The following CCDC60 variants were observed in gnomAD, a reference collection of about 807,000 sequenced individuals.
CCDC60 encodes coiled-coil domain-containing protein 60.
CCDC60 carries 54 observed loss-of-function variants against 63.5 expected under a neutral mutation model. That is an observed-to-expected ratio of 0.85 (90% CI 0.68 to 1.07). CCDC60 has a LOEUF of 1.07. Among genes scored for constraint, CCDC60 ranks in the 50% least tolerant of loss-of-function variants. The pLI is 0.00. For missense variants in CCDC60, 651 were observed against 684.3 expected, an observed-to-expected ratio of 0.95 and a Z score of 0.54; for synonymous variants, 206 against 238.8, an observed-to-expected ratio of 0.86 and a Z score of 1.27.
chr12:119,342,426 T>C (rs1592976231), intron 1 of CCDC60, among the ~76,000 whole-genome samples: 1 of 152,104 alleles, frequency 6.6e-6, no homozygotes, highest in African/African-American at 2.4e-5. Flanking sequence ...GAAGCGATGG[T>C]GATATTGAAG....
chr12:119,505,072 A>C lies in CCDC60; in HGVS notation c.652A>C (p.Lys218Gln), dbSNP rs750237980. 6 of 1,598,592 alleles carry C rather than the reference A, an allele frequency of 3.8e-6. No homozygotes were observed. In the South Asian group the frequency reaches 5.6e-5, roughly 15 times the overall value. ...CTCTTTCTTCTCTTTCCTTTAGACC[A>C]AGAAATTCAAAATTCCCACAATGCG... is the stretch of plus-strand genomic sequence containing the variant. ...WEHFITAPKT[K>Q]KFKIPTMRVT... The change falls in exon 7 of 14, where the codon AAG becomes CAG. Residue 218 changes from lysine to glutamine, a missense_variant. Transcript: ENST00000327554.
intron 1 of CCDC60, among the ~76,000 whole-genome samples, chr12:119,351,239 C>G (rs1481160967): frequency 1.3e-5 from 2 of 152,200 alleles, no homozygotes; most frequent in Non-Finnish European, 2.9e-5. Context: ...TTTGTATTCT[C>G]AAAGTGGGTA....
chr12:119,435,465 C>T (rs1264984043), intron 2 of CCDC60, among the ~76,000 whole-genome samples: 3 of 152,176 alleles, frequency 2.0e-5, no homozygotes, highest in African/African-American at 4.8e-5. Context: ...TTTGACTTAT[C>T]GATGACTGGT....
chr12:119,399,591 C>G (rs1456814112), intron 1 of CCDC60, among the ~76,000 whole-genome samples: 1 of 152,104 alleles, frequency 6.6e-6, no homozygotes, highest in Non-Finnish European at 1.5e-5. Flanking sequence ...AATTATACTT[C>G]AAAGGGAATC....
At chr12:119,385,257 C>A (rs1956048714) in intron 1 of CCDC60, among the ~76,000 whole-genome samples, 1 of 152,182 alleles carries the variant, frequency 6.6e-6, no homozygotes, top group Non-Finnish European at 1.5e-5. Context: ...CCTTGCTCTC[C>A]AGCCTCCAGT....
Position 119,528,705 on chromosome 12 carries a change from A to G in CCDC60, c.1320A>G (p.Ile440Met), listed in dbSNP as rs778201064. ...ACATAGCAAAAATGAGACATCACAT[A>G]TCTGTAGTAAAAGGAGATGCAGAAG... Reference protein sequence around the residue: ...QKDIAKMRHHISVVKGDAEEI... With the variant: ...QKDIAKMRHHMSVVKGDAEEI... The change falls in exon 12 of 14, where the codon ATA becomes ATG. Residue 440 changes from isoleucine to methionine, a missense_variant. Coordinates refer to ENST00000327554, the MANE Select transcript of CCDC60 (RefSeq NM_178499.5). 15 of 1,613,978 alleles carry G rather than the reference A, an allele frequency of 9.3e-6. No homozygotes were observed. The highest frequency in any genetic ancestry group is 2.2e-5 in the East Asian group (1 of 44,888).
At chr12:119,431,450 A>G (rs1267575551) in intron 2 of CCDC60, among the ~76,000 whole-genome samples, 1 of 152,170 alleles carries the variant, frequency 6.6e-6, no homozygotes, top group East Asian at 1.9e-4. Context: ...CTGATCCATC[A>G]AGTACAGGGT....
intron 1 of CCDC60, among the ~76,000 whole-genome samples, chr12:119,387,061 CACA>C (rs1956074909): frequency 6.6e-6 from 1 of 151,386 alleles, no homozygotes; most frequent in South Asian, 2.1e-4. Flanking sequence ...CACACACACA[CACA>C]CACACACACA....
At chr12:119,385,763 T>C (rs1394014408) in intron 1 of CCDC60, among the ~76,000 whole-genome samples, 1 of 152,220 alleles carries the variant, frequency 6.6e-6, no homozygotes, top group Non-Finnish European at 1.5e-5. Context: ...TCCTGGCTCC[T>C]GTCACACGGC....
At chr12:119,461,516 A>G (rs1364888354) in intron 2 of CCDC60, among the ~76,000 whole-genome samples, 1 of 152,122 alleles carries the variant, frequency 6.6e-6, no homozygotes. Flanking sequence ...TGCAGTAAGC[A>G]TCCTCTCATC....
At chr12:119,404,817 C>T (rs1458477883) in intron 1 of CCDC60, among the ~76,000 whole-genome samples, 2 of 152,074 alleles carry the variant, frequency 1.3e-5, no homozygotes, top group Non-Finnish European at 2.9e-5. Context: ...CAAAGATCCT[C>T]ACCACTCCCT....
intron 2 of CCDC60, among the ~76,000 whole-genome samples, chr12:119,464,397 C>T (rs1950915037): frequency 6.7e-6 from 1 of 150,074 alleles, no homozygotes; most frequent in East Asian, 2.0e-4. Context: ...CTTCCCTCCC[C>T]TTTCCTCTTC....
At chr12:119,394,839 G>C (rs1020381718) in intron 1 of CCDC60, among the ~76,000 whole-genome samples, 38 of 152,294 alleles carry the variant, frequency 2.5e-4, no homozygotes, top group African/African-American at 9.1e-4. Flanking sequence ...AATAGGGGCA[G>C]ATGCATAAAA....
At chr12:119,457,757 CA>C (rs1435264278) in intron 2 of CCDC60, among the ~76,000 whole-genome samples, 3 of 152,112 alleles carry the variant, frequency 2.0e-5, no homozygotes, top group African/African-American at 7.3e-5. Flanking sequence ...GTCTGAAAGG[CA>C]GTTCAAAATC....
At chr12:119,377,278 A>T (rs1955962658) in intron 1 of CCDC60, among the ~76,000 whole-genome samples, 1 of 139,344 alleles carries the variant, frequency 7.2e-6, no homozygotes, top group African/African-American at 2.7e-5. Flanking sequence ...AAAAAAAAAA[A>T]AGAAAAAGAA....
At chr12:119,502,196 G>C (rs765923845) in intron 6 of CCDC60, among the ~76,000 whole-genome samples, 1 of 152,144 alleles carries the variant, frequency 6.6e-6, no homozygotes, top group Non-Finnish European at 1.5e-5. Context: ...TGCAGCTTTA[G>C]CTCATTTTGC....
At chr12:119,532,022 G>C (rs1442345460) in intron 13 of CCDC60, among the ~76,000 whole-genome samples, 2 of 152,302 alleles carry the variant, frequency 1.3e-5, no homozygotes. Context: ...TGGAGCGTTT[G>C]ACATTTTCAT....
intron 2 of CCDC60, among the ~76,000 whole-genome samples, chr12:119,448,232 G>A (rs990888529): frequency 2.6e-5 from 4 of 151,610 alleles, no homozygotes; most frequent in African/African-American, 9.7e-5. Context: ...TATCTTGATT[G>A]TGGAGATAAT....
At chr12:119,495,855 T>G (rs1951705397) in intron 5 of CCDC60, among the ~76,000 whole-genome samples, 1 of 152,196 alleles carries the variant, frequency 6.6e-6, no homozygotes, top group African/African-American at 2.4e-5. Context: ...ATAATCAAGA[T>G]ACTTTGAGAT....
Sources: allele counts gnomAD v4.1 joint callset (sites outside exome capture counted in the v4.1 genomes callset), GRCh38; gene constraint gnomAD v4.1.1; transcripts MANE v1.5; gene names NCBI Gene and HGNC (gene_info 2026-07-23, HGNC 2026-07-21).